Variants in PTGR2 observed in about 807,000 individuals in gnomAD.
PTGR2 encodes 15-oxoprostaglandin 13-reductase.
In PTGR2, 32 loss-of-function variants were observed where a neutral mutation model predicts 43.4. The observed-to-expected ratio is 0.74, with a 90% confidence interval of 0.56 to 0.99. PTGR2 has a LOEUF of 0.99. Ranked by LOEUF, PTGR2 falls within the 50% of genes least tolerant of loss-of-function variation. PTGR2 has a pLI of 0.00. For missense variants in PTGR2, 373 were observed against 420.0 expected (o/e 0.89, Z 0.98); for synonymous variants, 106 against 139.2 (o/e 0.76, Z 1.68).
At chr14:73,882,285 A>G (rs1458426388) in intron 8 of PTGR2, 114 bp from the exon 9 acceptor site, 1 of 670,768 alleles carries the variant, frequency 1.5e-6, no homozygotes, top group Non-Finnish European at 2.6e-6. Context: ...AATAAAGAAT[A>G]TCTATTTTTA....
chr14:73,875,414 C>T (rs993126758), intron 4 of PTGR2, among the ~76,000 whole-genome samples: 16 of 150,712 alleles, frequency 1.1e-4, no homozygotes, highest in South Asian at 2.1e-4. Flanking sequence ...GGCGCGATCT[C>T]GGCTCACTTC....
At chr14:73,880,275 A>G in intron 7 of PTGR2, 99 bp downstream of exon 7, 1 of 1,459,756 alleles carries the variant, frequency 6.9e-7, no homozygotes, top group Non-Finnish European at 9.5e-7. Flanking sequence ...CTTTTTCTTT[A>G]TTAAATAAAA....
chr14:73,869,112 C>T (rs1406141493), intron 3 of PTGR2, among the ~76,000 whole-genome samples: 1 of 152,168 alleles, frequency 6.6e-6, no homozygotes, highest in African/African-American at 2.4e-5. Flanking sequence ...TTTGGTAAAT[C>T]ACCCTGAACC....
rs986546431 is a variant in PTGR2 at position 73,877,257 on chromosome 14, A to C, written c.519+89A>C. 2.5e-5 allele frequency: 30 copies of C among 1,177,110 alleles called. No individual in the cohort carries two copies. In the African/African-American group the frequency reaches 3.4e-4, roughly 13 times the overall value. The allele number at this position is 1,177,110 out of a possible 1,614,324, so 72.9% of individuals were successfully genotyped here. Reference sequence around the variant, plus strand: ...AATTCCGGATATATGTATACCATTAAAAATATAAAATTGGATAAATTTTTT... The same window carrying C: ...AATTCCGGATATATGTATACCATTACAAATATAAAATTGGATAAATTTTTT... On this transcript the variant is annotated intron_variant, in intron 5 of 9. Coordinates refer to ENST00000555661, the MANE Select transcript of PTGR2 (RefSeq NM_001146154.2).
Position 73,884,203 on chromosome 14 carries a change from C to T in PTGR2, c.*26C>T, listed in dbSNP as rs1288022502. ...TTGCTGTAAATGTCATCAAGGCAATCATAGATTTCTTTTCCATTTTGCATA... is the reference window on the plus strand; with the variant it reads ...TTGCTGTAAATGTCATCAAGGCAATTATAGATTTCTTTTCCATTTTGCATA... On this transcript the variant is annotated 3_prime_UTR_variant, in exon 10 of 10. Transcript: ENST00000555661. 7.2e-7 allele frequency: 1 copy of T among 1,387,902 alleles called. No individual in the cohort carries two copies. The highest frequency in any genetic ancestry group is 1.4e-5 in the African/African-American group (1 of 69,794). 86.0% of individuals were successfully genotyped at this position (1,387,902 alleles called of 1,614,324 possible). A position where few individuals can be genotyped will look rare whatever the true frequency, so the allele number is the denominator to read the frequency against.
intron 9 of PTGR2, among the ~76,000 whole-genome samples, 173 bp from the exon 10 acceptor site, chr14:73,883,924 GGTTA>G (rs563424660): frequency 2.8e-4 from 42 of 152,138 alleles, no homozygotes; most frequent in African/African-American, 9.4e-4. Context: ...ATGTTAATTG[GGTTA>G]GTTTGTGTGT....
At chr14:73,865,713 G>C (rs1566636987) in intron 3 of PTGR2, among the ~76,000 whole-genome samples, 1 of 151,658 alleles carries the variant, frequency 6.6e-6, no homozygotes, top group African/African-American at 2.4e-5. Flanking sequence ...TCTTTTGCAA[G>C]TGAATATACA....
intron 7 of PTGR2, among the ~76,000 whole-genome samples, chr14:73,880,835 C>T (rs556323989): frequency 1.4e-4 from 21 of 152,158 alleles, no homozygotes; most frequent in African/African-American, 4.6e-4. Context: ...CTCGCTCAGC[C>T]GCCCAGGCTG....
intron 3 of PTGR2, among the ~76,000 whole-genome samples, chr14:73,871,876 G>A (rs762573501): frequency 1.4e-4 from 22 of 152,050 alleles, no homozygotes; most frequent in Admixed American, 4.6e-4. Flanking sequence ...AAGTGCCCTT[G>A]GTCTGGCCAG....
intron 1 of PTGR2, among the ~76,000 whole-genome samples, chr14:73,857,664 G>GTTTTGTTTTTTT (rs2054383610): frequency 3.6e-4 from 23 of 64,700 alleles, no homozygotes; most frequent in Non-Finnish European, 5.9e-4. Context: ...AGCAGTTAGT[G>GTTTTGTTTTTTT]TTTTTTTTTT....
chr14:73,874,247 T>TC, intron 4 of PTGR2, 33 bp downstream of exon 4: 2 of 1,466,874 alleles, frequency 1.4e-6, no homozygotes, highest in Non-Finnish European at 1.9e-6. Context: ...TGATTTTTTT[T>TC]CCCCGTATAA....
intron 1 of PTGR2, among the ~76,000 whole-genome samples, chr14:73,852,620 T>C (rs947193872): frequency 1.3e-5 from 2 of 152,112 alleles, no homozygotes; most frequent in Non-Finnish European, 2.9e-5. Flanking sequence ...GGCAGTTAGT[T>C]TGAAATTCTG....
At chr14:73,858,745 TG>T (rs2054420589) in intron 1 of PTGR2, 70 bp from the exon 2 acceptor site, 4 of 675,368 alleles carry the variant, frequency 5.9e-6, no homozygotes, top group Non-Finnish European at 7.0e-6. Flanking sequence ...GAAACACAAA[TG>T]GACTTCTTTT....
Position 73,878,522 on chromosome 14 carries a change from G to A in PTGR2, c.520-574G>A, listed in dbSNP as rs992793717. 13 of 185,162 alleles carry A rather than the reference G, an allele frequency of 7.0e-5. 1 individual carries two copies. The East Asian group carries it at 1.8e-3, about 25-fold the overall frequency. The allele number at this position is 185,162 out of a possible 1,614,324, so 11.5% of individuals were successfully genotyped here. A position where few individuals can be genotyped will look rare whatever the true frequency, so the allele number is the denominator to read the frequency against. On this transcript the variant is annotated intron_variant, in intron 5 of 9. Transcript: ENST00000555661. ...AGCCATACTTTGAATTTTGAATTTT[G>A]GTCTTTTCCCAGGCTAGCGATATCA...
intron 5 of PTGR2, chr14:73,878,837 A>G (rs2054919802): frequency 4.6e-6 from 2 of 435,968 alleles, no homozygotes; most frequent in East Asian, 9.0e-5. Flanking sequence ...TCAACTAATG[A>G]TGGTTTTATT....
intron 1 of PTGR2, among the ~76,000 whole-genome samples, chr14:73,857,789 C>T (rs1051152307): frequency 2.7e-5 from 4 of 149,448 alleles, no homozygotes; most frequent in Admixed American, 1.4e-4. Context: ...CTGCGTCAGC[C>T]TCCGGAGTAG....
At chr14:73,868,611 A>G (rs895050675) in intron 3 of PTGR2, among the ~76,000 whole-genome samples, 1 of 151,878 alleles carries the variant, frequency 6.6e-6, no homozygotes, top group African/African-American at 2.4e-5. Context: ...CTCCTCCTCT[A>G]TCTAACTCAC....
chr14:73,852,202 T>G (rs1487705014), intron 1 of PTGR2: 1 of 152,084 alleles, frequency 6.6e-6, no homozygotes, highest in African/African-American at 2.4e-5. Context: ...TCTGAAACTT[T>G]CATTTAACAC....
At chr14:73,855,966 G>A (rs2054335608) in intron 1 of PTGR2, among the ~76,000 whole-genome samples, 1 of 151,216 alleles carries the variant, frequency 6.6e-6, no homozygotes. Flanking sequence ...TGAGGCAGGA[G>A]AATCGCTTGA....
Sources: gnomAD v4.1 joint callset for allele counts (sites outside exome capture counted in the v4.1 genomes callset) on GRCh38, gnomAD v4.1.1 for gene constraint, MANE v1.5 for transcripts, NCBI Gene and HGNC (gene_info 2026-07-23, HGNC 2026-07-21) for gene names.